The following NPIPA5 variants were observed in gnomAD, a reference collection of about 807,000 sequenced individuals.
The protein encoded by NPIPA5 is nuclear pore complex-interacting protein family member A5.
A neutral mutation model predicts 21.4 loss-of-function variants in NPIPA5; 6 were observed. The observed-to-expected ratio is 0.28, with a 90% CI of 0.15 to 0.55. NPIPA5 has a LOEUF of 0.55. Ranked by LOEUF, NPIPA5 falls within the 20% of genes least tolerant of loss-of-function variation. NPIPA5 has a pLI of 0.93. For synonymous variants in NPIPA5, 33 were observed against 115.3 expected (o/e 0.29, Z 4.57); for missense variants, 99 against 318.2 (o/e 0.31, Z 5.24).
At chr16:15,377,518 G>A (rs555298694) in intron 1 of NPIPA5, among the ~76,000 whole-genome samples, 1 of 143,390 alleles carries the variant, frequency 7.0e-6, no homozygotes, top group East Asian at 2.1e-4. Context: ...CACCGCACCC[G>A]CATGTCCTGG....
intron 1 of NPIPA5, among the ~76,000 whole-genome samples, chr16:15,376,701 G>C (rs560708807): frequency 1.3e-5 from 2 of 152,296 alleles, no homozygotes; most frequent in East Asian, 3.9e-4. Flanking sequence ...CGGATCACGA[G>C]GTCAAGACAT....
upstream of NPIPA5, chr16:15,381,594 A>G (rs2150895855): frequency 6.6e-6 from 1 of 151,206 alleles, no homozygotes; most frequent in South Asian, 2.1e-4. Context: ...TTTAGATTCT[A>G]TTCTGCCTCC....
chr16:15,377,834 C>A (rs1003839815), intron 1 of NPIPA5, among the ~76,000 whole-genome samples: 1 of 150,578 alleles, frequency 6.6e-6, no homozygotes, highest in Non-Finnish European at 1.5e-5. Flanking sequence ...ACAGGACAGG[C>A]GGGGCAAGGG....
At chr16:15,380,095 TTTAA>T (rs1216869595), upstream of NPIPA5, among the ~76,000 whole-genome samples, 2 of 151,874 alleles carry the variant, frequency 1.3e-5, no homozygotes, top group African/African-American at 4.8e-5. Flanking sequence ...TAATGAATAA[TTTAA>T]TTATTACTAC....
intron 1 of NPIPA5, among the ~76,000 whole-genome samples, chr16:15,377,747 A>C (rs2150886903): frequency 7.0e-6 from 1 of 142,002 alleles, no homozygotes; most frequent in Non-Finnish European, 1.5e-5. Flanking sequence ...GGGTCTGGGA[A>C]AGGATCCGGT....
chr16:15,369,402 G>C (rs1398877912), intron 4 of NPIPA5, among the ~76,000 whole-genome samples: 3 of 150,938 alleles, frequency 2.0e-5, no homozygotes, highest in Admixed American at 6.6e-5. Context: ...AGCTGAGATT[G>C]TGCCATTGCA....
At chr16:15,367,551 C>A (rs1428035945) in intron 4 of NPIPA5, among the ~76,000 whole-genome samples, 1 of 151,882 alleles carries the variant, frequency 6.6e-6, no homozygotes, top group Non-Finnish European at 1.5e-5. Context: ...TGCTGTGTTG[C>A]CCTCACACCA....
rs1567403998 is a variant in NPIPA5 at position 15,363,734 on chromosome 16, A to G, written c.978T>C (p.Asp326=). The G allele has an allele frequency of 4.1e-6, 6 of 1,454,856 alleles. 1 individual carries two copies. Among genetic ancestry groups the G allele is most frequent in the African/African-American group, 1.5e-5 (1 of 66,710 alleles). 90.1% of individuals were successfully genotyped at this position (1,454,856 alleles called of 1,614,324 possible). Residue 326 remains aspartate (D), a synonymous_variant, in exon 8 of 8, where the codon GAT becomes GAC. Coordinates refer to ENST00000360151, the MANE Select transcript of NPIPA5 (RefSeq NM_001277325.2). The part of the protein sequence containing the change: ...LPPSAPPSAD[D]NLKTPPECVC... ...CACACTCGGGAGGTGTCTTGAGATT[A>G]TCATCCGCTGAGGGTGGAGCTGAGG...
chr16:15,374,297 C>G (rs940802684), intron 1 of NPIPA5, among the ~76,000 whole-genome samples: 7 of 150,632 alleles, frequency 4.6e-5, no homozygotes, highest in African/African-American at 1.7e-4. Flanking sequence ...CTCCTGGGCT[C>G]AAGCCATTCT....
Position 15,363,746 on chromosome 16 carries a change from G to A in NPIPA5, c.966C>T (p.Pro322=). 7.0e-7 allele frequency: 1 copy of A among 1,426,078 alleles called. No individual in the cohort carries two copies. Among genetic ancestry groups the A allele is most frequent in the African/African-American group, 1.4e-5 (1 of 69,244 alleles). 88.3% of individuals were successfully genotyped at this position (1,426,078 alleles called of 1,614,324 possible). A position where few individuals can be genotyped will look rare whatever the true frequency, so the allele number is the denominator to read the frequency against. ...GTGTCTTGAGATTATCATCCGCTGA[G>A]GGTGGAGCTGAGGGTGGAAGGGGAG... ...LLTPLPPSAP[P]SADDNLKTPP... is the part of the protein sequence containing the mutation. The change falls in exon 8 of 8, where the codon CCC becomes CCT. Residue 322 remains proline, a synonymous_variant. Transcript: ENST00000360151.
upstream of NPIPA5, chr16:15,381,029 C>T (rs2050425021): frequency 6.0e-6 from 9 of 1,512,320 alleles, no homozygotes; most frequent in Non-Finnish European, 7.9e-6. Context: ...GGGGTCAGGA[C>T]AATAGAGAGC....
At chr16:15,376,802 T>G (rs1598406569) in intron 1 of NPIPA5, among the ~76,000 whole-genome samples, 5 of 151,890 alleles carry the variant, frequency 3.3e-5, no homozygotes, top group Admixed American at 2.6e-4. Context: ...AATACAAAAA[T>G]TAGCCAGGCG....
chr16:15,380,835 C>T (rs2050419731), upstream of NPIPA5: 1 of 613,738 alleles, frequency 1.6e-6, no homozygotes, highest in African/African-American at 2.0e-5. Flanking sequence ...ACTGCGTAAG[C>T]TTCCCCCAGC....
chr16:15,373,534 AT>A (rs2050211942), intron 2 of NPIPA5, among the ~76,000 whole-genome samples, 180 bp downstream of exon 2: 1 of 103,298 alleles, frequency 9.7e-6, no homozygotes, highest in African/African-American at 3.6e-5. Context: ...ACACCGACCT[AT>A]TTAATTTTCA....
At chr16:15,376,727 G>A (rs1384566730) in intron 1 of NPIPA5, among the ~76,000 whole-genome samples, 3 of 152,104 alleles carry the variant, frequency 2.0e-5, no homozygotes, top group Non-Finnish European at 4.4e-5. Flanking sequence ...CTATCCTGGC[G>A]AACATGGTGA....
intron 7 of NPIPA5, 143 bp from the exon 8 acceptor site, chr16:15,364,212 G>A (rs2049935956): frequency 1.9e-6 from 2 of 1,052,766 alleles, no homozygotes; most frequent in Non-Finnish European, 2.6e-6. Flanking sequence ...AGCAGTGTCA[G>A]TGTCATAATA....
intron 2 of NPIPA5, among the ~76,000 whole-genome samples, chr16:15,371,045 CA>C (rs757452192): frequency 0.044 from 2,168 of 49,396 alleles, 100 homozygotes; most frequent in African/African-American, 0.12. Context: ...GACTCCGTCT[CA>C]AAAAAAAAAA....
chr16:15,375,823 A>G (rs1019530533), intron 1 of NPIPA5, among the ~76,000 whole-genome samples: 8 of 151,858 alleles, frequency 5.3e-5, no homozygotes, highest in Non-Finnish European at 1.2e-4. Flanking sequence ...GATTGTTGAT[A>G]TTAATTCCAT....
At chr16:15,375,442 T>G (rs988225909) in intron 1 of NPIPA5, among the ~76,000 whole-genome samples, 1 of 150,420 alleles carries the variant, frequency 6.6e-6, no homozygotes, top group Non-Finnish European at 1.5e-5. Context: ...GAATTTTAGT[T>G]CTTAAAAAGT....
Sources: allele counts gnomAD v4.1 joint callset (sites outside exome capture counted in the v4.1 genomes callset), GRCh38; gene constraint gnomAD v4.1.1; transcripts MANE v1.5; gene names NCBI Gene and HGNC (gene_info 2026-07-23, HGNC 2026-07-21).